NAXD: variants seen among roughly 807,000 people sequenced by gnomAD.
NAXD encodes ATP-dependent (S)-NAD(P)H-hydrate dehydratase.
NAXD carries 22 observed loss-of-function variants against 35.8 expected under a neutral mutation model. The observed-to-expected ratio is 0.62, with a 90% CI of 0.44 to 0.88. The LOEUF (loss-of-function observed/expected upper bound fraction) is 0.88. NAXD is among the 40% of genes least tolerant of loss of function. The pLI is 0.00. For missense variants in NAXD, 428 were observed against 437.7 expected (o/e 0.98, Z 0.20); for synonymous variants, 189 against 177.6 (o/e 1.06, Z -0.51).
intron 5 of NAXD, among the ~76,000 whole-genome samples, chr13:110,633,858 G>A (rs1886818070): frequency 1.3e-5 from 2 of 152,064 alleles, no homozygotes; most frequent in South Asian, 4.1e-4. Context: ...AAACGTGTAA[G>A]TAAAGTGATA....
intron 1 of NAXD, among the ~76,000 whole-genome samples, chr13:110,618,716 A>C (rs1167861084): frequency 6.6e-6 from 1 of 151,496 alleles, no homozygotes; most frequent in African/African-American, 2.4e-5. Flanking sequence ...AAGTGCAGGA[A>C]AAATTGTATG....
At chr13:110,615,496 C>G, upstream of NAXD, 1 of 1,091,678 alleles carries the variant, frequency 9.2e-7, no homozygotes, top group Non-Finnish European at 1.2e-6. Flanking sequence ...GTTGGGATCC[C>G]ACTGCCGACA....
chr13:110,633,979 C>T (rs1024897399), intron 5 of NAXD, among the ~76,000 whole-genome samples: 7 of 152,140 alleles, frequency 4.6e-5, no homozygotes, highest in South Asian at 4.1e-4. Flanking sequence ...CTTGCTGGGG[C>T]GGGGGCTGTC....
chr13:110,632,878 C>G (rs1350645894), intron 5 of NAXD, among the ~76,000 whole-genome samples: 1 of 151,528 alleles, frequency 6.6e-6, no homozygotes, highest in East Asian at 2.0e-4. Context: ...GAGCTAGACA[C>G]AGGGTGCTGA....
At chr13:110,622,530 G>A (rs946940969) in intron 2 of NAXD, among the ~76,000 whole-genome samples, 164 bp downstream of exon 2, 1 of 152,184 alleles carries the variant, frequency 6.6e-6, no homozygotes, top group Admixed American at 6.5e-5. Context: ...GATTAACTAG[G>A]AAATAACTCT....
chr13:110,617,189 C>G (rs1204885582), intron 1 of NAXD, among the ~76,000 whole-genome samples: 1 of 152,142 alleles, frequency 6.6e-6, no homozygotes, highest in African/African-American at 2.4e-5. Flanking sequence ...GTTAAATGCT[C>G]TAAATTAGTT....
At chr13:110,616,786 A>G (rs1208697885) in intron 1 of NAXD, among the ~76,000 whole-genome samples, 2 of 152,238 alleles carry the variant, frequency 1.3e-5, no homozygotes, top group Non-Finnish European at 2.9e-5. Flanking sequence ...TGACTTAGCC[A>G]GGATTCTCCA....
intron 1 of NAXD, among the ~76,000 whole-genome samples, chr13:110,620,018 C>G (rs560391300): frequency 2.0e-5 from 3 of 151,866 alleles, no homozygotes; most frequent in African/African-American, 4.8e-5. Flanking sequence ...AGGCTGGTCT[C>G]GAACTCCTGA....
At chr13:110,633,790 C>T (rs1886814616) in intron 5 of NAXD, among the ~76,000 whole-genome samples, 1 of 151,590 alleles carries the variant, frequency 6.6e-6, no homozygotes, top group Admixed American at 6.6e-5. Context: ...CCTTTGAAAC[C>T]TTCACTGTAA....
chr13:110,624,363 G>A, intron 3 of NAXD, 84 bp downstream of exon 3: 2 of 873,180 alleles, frequency 2.3e-6, no homozygotes, highest in Admixed American at 1.9e-5. Flanking sequence ...AATGTTTTCT[G>A]ATAGAAATCT....
rs370932628 is a variant in NAXD, at chr13:110,627,124, G to C, written c.333-315G>C. ...CAGTGTGGGGCCTGGTTTGGGTCCT[G>C]ACATGGGAAGAGGACATCAAGAGGA... On this transcript the variant is annotated intron_variant, in intron 4 of 9. Coordinates refer to ENST00000680254, the MANE Select transcript of NAXD (RefSeq NM_001242882.2). 2.0e-4 allele frequency among the ~76,000 whole-genome samples: 31 copies of C among 152,350 alleles called. No homozygotes were observed. In the South Asian group the frequency reaches 6.4e-3, roughly 32 times the overall value.
chr13:110,626,823 G>A (rs1313892592), intron 4 of NAXD, among the ~76,000 whole-genome samples: 2 of 152,304 alleles, frequency 1.3e-5, no homozygotes, highest in Admixed American at 6.5e-5. Flanking sequence ...AGGTCACACC[G>A]AACAGGAAGG....
intron 2 of NAXD, among the ~76,000 whole-genome samples, chr13:110,622,763 C>T (rs868259933): frequency 3.4e-4 from 51 of 152,122 alleles, no homozygotes; most frequent in African/African-American, 1.2e-3. Flanking sequence ...TTGACAAATC[C>T]CTAGCTTGCT....
At chr13:110,636,805 G>A (rs777511444) in intron 8 of NAXD, among the ~76,000 whole-genome samples, 7 of 152,220 alleles carry the variant, frequency 4.6e-5, no homozygotes, top group Non-Finnish European at 7.3e-5. Context: ...GGAGGCTGGC[G>A]CCGCCCTGCT....
chr13:110,620,655 C>G (rs1401106571), intron 1 of NAXD, among the ~76,000 whole-genome samples: 1 of 151,776 alleles, frequency 6.6e-6, no homozygotes, highest in African/African-American at 2.4e-5. Context: ...CCAGCATCTG[C>G]TCTATCAGCT....
In NAXD at chr13:110,637,007, A is replaced by C. The variant is rs1266234265; in HGVS notation, c.719-122A>C. The C allele has an allele frequency of 4.4e-6, 5 of 1,131,606 alleles. No individual in the cohort carries two copies. In the African/African-American group the frequency reaches 8.0e-5, roughly 18 times the overall value. The allele number at this position is 1,131,606 out of a possible 1,614,324, so 70.1% of individuals were successfully genotyped here. On this transcript the variant is annotated intron_variant, in intron 8 of 9. Transcript: ENST00000680254. ...GCCGTAGCAGGCAGGATGTGAGTGG[A>C]GCCTCAGGCTGCTCCTGGAGGGTGT... is the stretch of plus-strand genomic sequence containing the variant.
chr13:110,634,036 G>A (rs1886823887), intron 5 of NAXD, among the ~76,000 whole-genome samples: 1 of 152,216 alleles, frequency 6.6e-6, no homozygotes, highest in Non-Finnish European at 1.5e-5. Context: ...AGCGTTTCCA[G>A]TGGGCTTCGC....
rs1271456764 is a variant in NAXD at position 110,638,943 on chromosome 13, C to T, written c.*415C>T. 2 of 358,686 alleles carry T rather than the reference C, an allele frequency of 5.6e-6. No homozygotes were observed. Among genetic ancestry groups the T allele is most frequent in the East Asian group, 1.5e-4 (2 of 13,718 alleles). 22.2% of individuals were successfully genotyped at this position (358,686 alleles called of 1,614,324 possible). The stretch of plus-strand genomic sequence containing the variant: ...CTGCTTCCCTTCCCTAGTCTTTCCT[C>T]CGGCAGGGAGCTGGGCAGGGGTCCC... On this transcript the variant is annotated 3_prime_UTR_variant, in exon 10 of 10. Transcript: ENST00000680254. This position sits in a 1 kb window ranked among gnomAD's most constrained non-coding sequence, Gnocchi z 5.4.
chr13:110,630,299 G>C (rs1886654516), intron 5 of NAXD, among the ~76,000 whole-genome samples: 1 of 152,126 alleles, frequency 6.6e-6, no homozygotes, highest in Admixed American at 6.6e-5. Context: ...AAGTGCTGGG[G>C]TTACAGGCGT....
Sources: allele counts gnomAD v4.1 joint callset (sites outside exome capture counted in the v4.1 genomes callset), GRCh38; gene constraint gnomAD v4.1.1; non-coding constraint Gnocchi (gnomAD v3.1); transcripts MANE v1.5; gene names NCBI Gene and HGNC (gene_info 2026-07-23, HGNC 2026-07-21).